ARL15: variants seen among roughly 807,000 people sequenced by gnomAD.
The protein encoded by ARL15 is ADP-ribosylation factor-like protein 15.
In ARL15, 19 loss-of-function variants were observed where a neutral mutation model predicts 25.2. That is an observed-to-expected ratio of 0.75 (90% CI 0.53 to 1.10). The LOEUF is 1.10. Among genes scored for constraint, ARL15 ranks in the 50% least tolerant of loss-of-function variants. ARL15 has a pLI of 0.00. For synonymous variants in ARL15, 94 were observed against 86.8 expected (o/e 1.08, Z -0.46); for missense variants, 220 against 246.0 (o/e 0.89, Z 0.71).
At chr5:54,297,908 C>A (rs1758507788) in intron 1 of ARL15, among the ~76,000 whole-genome samples, 1 of 152,082 alleles carries the variant, frequency 6.6e-6, no homozygotes, top group African/African-American at 2.4e-5. Context: ...TCAGCCTCCC[C>A]AGCAGCTGGG....
chr5:54,060,619 C>G (rs554321696), intron 4 of ARL15, among the ~76,000 whole-genome samples: 1 of 152,280 alleles, frequency 6.6e-6, no homozygotes, highest in South Asian at 2.1e-4. Context: ...TCTTTTTCTA[C>G]CCAGTCTCAG....
At chr5:54,013,240 A>G (rs1235064361) in intron 4 of ARL15, among the ~76,000 whole-genome samples, 1 of 152,228 alleles carries the variant, frequency 6.6e-6, no homozygotes, top group African/African-American at 2.4e-5. Flanking sequence ...TTTATCTCAT[A>G]TAGGTTAAGC....
In ARL15 at chr5:54,053,037, C is replaced by G. The variant is rs145539848; in HGVS notation, c.462+60165G>C. The stretch of plus-strand genomic sequence containing the variant: ...ACGTAGGAGCTAATTAAAAGAACAT[C>G]CTATGCCAAAAATGGAACAATTTAA... On this transcript the variant is annotated intron_variant, in intron 4 of 4. Coordinates refer to ENST00000504924, the MANE Select transcript of ARL15 (RefSeq NM_019087.3). 3.9e-5 allele frequency among the ~76,000 whole-genome samples: 6 copies of G among 152,240 alleles called. No individual in the cohort carries two copies. The East Asian group carries it at 1.2e-3, about 29-fold the overall frequency.
chr5:54,059,125 A>C (rs75797255), intron 4 of ARL15, among the ~76,000 whole-genome samples: 2,853 of 152,194 alleles, frequency 0.019, 95 homozygotes, highest in African/African-American at 0.066. Flanking sequence ...ATTTTTCCTT[A>C]ATCTGTACCC....
intron 3 of ARL15, among the ~76,000 whole-genome samples, chr5:54,121,417 C>T (rs186462061): frequency 4.3e-4 from 66 of 152,026 alleles, no homozygotes; most frequent in Admixed American, 3.1e-3. Flanking sequence ...TGTTCAGGCT[C>T]AAGCATAAAA....
chr5:53,982,027 T>C (rs1485717400), intron 4 of ARL15, among the ~76,000 whole-genome samples: 1 of 152,088 alleles, frequency 6.6e-6, no homozygotes, highest in Non-Finnish European at 1.5e-5. Context: ...AAGAGCGGAA[T>C]CTTGGAACCA....
At chr5:53,964,428 C>G (rs755988299) in intron 4 of ARL15, among the ~76,000 whole-genome samples, 1 of 152,026 alleles carries the variant, frequency 6.6e-6, no homozygotes, top group Admixed American at 6.6e-5. Context: ...GGCGTGATCT[C>G]GGCTCACTGC....
rs765810689 is a variant in ARL15, at chr5:54,217,475, A to G, written c.49-45547T>C. 5.1e-4 allele frequency among the ~76,000 whole-genome samples: 78 copies of G among 151,966 alleles called. 1 individual carries two copies. The highest frequency in any genetic ancestry group is 5.9e-4 in the Non-Finnish European group (40 of 67,940). On this transcript the variant is annotated intron_variant, in intron 1 of 4. Transcript: ENST00000504924. ...CCTAAGGGACCTGCAAAAAACTAAT[A>G]TAAGAAGGTAAACCACCCTTCCCTA...
chr5:53,917,647 T>A (rs1363071442), intron 4 of ARL15, among the ~76,000 whole-genome samples: 2 of 152,178 alleles, frequency 1.3e-5, no homozygotes, highest in African/African-American at 4.8e-5. Flanking sequence ...TTTCCTTAAA[T>A]CCTTATTGAT....
In ARL15 at chr5:53,893,129, T is replaced by A. The variant is rs557641135; in HGVS notation, c.463-6416A>T. Among the ~76,000 whole-genome samples the A allele has an allele frequency of 2.0e-4, 31 of 152,024 alleles. No homozygotes were observed. In the South Asian group the frequency reaches 4.0e-3, roughly 19 times the overall value. ...TAGCGGAAAATATTTGCATTGAAAT[T>A]TTTCTCAGTGATATGGTGGGGCCCG... is the stretch of plus-strand genomic sequence containing the variant. On this transcript the variant is annotated intron_variant, in intron 4 of 4. Coordinates refer to ENST00000504924, the MANE Select transcript of ARL15 (RefSeq NM_019087.3).
intron 1 of ARL15, among the ~76,000 whole-genome samples, chr5:54,228,024 G>A (rs1756572488): frequency 6.6e-6 from 1 of 152,168 alleles, no homozygotes; most frequent in Admixed American, 6.5e-5. Context: ...GATAGAAGTA[G>A]AGAAGGAAAC....
intron 1 of ARL15, among the ~76,000 whole-genome samples, chr5:54,297,943 C>T (rs1019174938): frequency 2.5e-4 from 38 of 152,160 alleles, no homozygotes; most frequent in African/African-American, 8.4e-4. Flanking sequence ...CTGCCACGCC[C>T]GGCTAATTTT....
chr5:54,228,643 A>G (rs182144954), intron 1 of ARL15, among the ~76,000 whole-genome samples: 43 of 152,310 alleles, frequency 2.8e-4, no homozygotes, highest in African/African-American at 9.9e-4. Context: ...AACCTCTTCC[A>G]CAAGTAGTTT....
chr5:54,071,695 G>A (rs1214125989), intron 4 of ARL15, among the ~76,000 whole-genome samples: 1 of 152,056 alleles, frequency 6.6e-6, no homozygotes, highest in East Asian at 1.9e-4. Context: ...CTACCGGCCA[G>A]GCGCGGTGGC....
At chr5:54,211,091 G>A (rs1275346904) in intron 1 of ARL15, among the ~76,000 whole-genome samples, 7 of 152,328 alleles carry the variant, frequency 4.6e-5, no homozygotes, top group Non-Finnish European at 5.9e-5. Flanking sequence ...TCAAAAGACA[G>A]ACTGTCCAAT....
At chr5:54,150,132 G>A (rs978824926) in intron 3 of ARL15, among the ~76,000 whole-genome samples, 3 of 152,314 alleles carry the variant, frequency 2.0e-5, no homozygotes, top group Middle Eastern at 3.4e-3. Context: ...AACAGTGCTT[G>A]TTTTGACACT....
At chr5:54,033,533 G>A (rs183902143) in intron 4 of ARL15, among the ~76,000 whole-genome samples, 1 of 151,422 alleles carries the variant, frequency 6.6e-6, no homozygotes. Context: ...TTAACTGGGT[G>A]TGGTGGCGCA....
intron 1 of ARL15, among the ~76,000 whole-genome samples, chr5:54,184,080 C>A (rs1433781212): frequency 2.3e-5 from 1 of 43,154 alleles, no homozygotes; most frequent in Non-Finnish European, 3.9e-5. Context: ...AGGGGAATAT[C>A]ACACTCTGGG....
intron 1 of ARL15, among the ~76,000 whole-genome samples, chr5:54,222,671 T>A (rs1176781925): frequency 6.6e-6 from 1 of 152,156 alleles, no homozygotes; most frequent in African/African-American, 2.4e-5. Flanking sequence ...CATTCCACTC[T>A]CGGGTTCTCT....
Sources: gnomAD v4.1 joint callset for allele counts (sites outside exome capture counted in the v4.1 genomes callset) on GRCh38, gnomAD v4.1.1 for gene constraint, MANE v1.5 for transcripts, NCBI Gene and HGNC (gene_info 2026-07-23, HGNC 2026-07-21) for gene names.